ERG: variants seen among roughly 807,000 people sequenced by gnomAD.
The protein encoded by ERG is transcriptional regulator ERG.
ERG carries 9 observed loss-of-function variants against 55.3 expected under a neutral mutation model. The observed-to-expected ratio is 0.16, with a 90% CI of 0.10 to 0.28. The LOEUF (loss-of-function observed/expected upper bound fraction) is 0.28, where lower values mean the gene tolerates loss of function less well. Ranked by LOEUF, ERG falls within the 10% of genes least tolerant of loss-of-function variation. The pLI, the probability that ERG is intolerant of heterozygous loss-of-function variation, is 1.00. For missense variants in ERG, 434 were observed against 631.6 expected, an observed-to-expected ratio of 0.69 and a Z score of 3.35; for synonymous variants, 223 against 237.3, an observed-to-expected ratio of 0.94 and a Z score of 0.55.
intron 1 of ERG, among the ~76,000 whole-genome samples, chr21:38,642,776 G>C (rs1311426680): frequency 6.6e-6 from 1 of 152,190 alleles, no homozygotes; most frequent in Non-Finnish European, 1.5e-5. Flanking sequence ...TTGGTCAAAG[G>C]TATTGGGTCA....
At chr21:38,432,022 G>A (rs1232547329) in intron 2 of ERG, among the ~76,000 whole-genome samples, 2 of 152,144 alleles carry the variant, frequency 1.3e-5, no homozygotes, top group African/African-American at 4.8e-5. Flanking sequence ...AATTAAAAAA[G>A]GAGAAAACCT....
chr21:38,447,677 G>C (rs1188143712), intron 1 of ERG, among the ~76,000 whole-genome samples: 1 of 151,788 alleles, frequency 6.6e-6, no homozygotes, highest in Non-Finnish European at 1.5e-5. Flanking sequence ...ACAAAAATTA[G>C]ACCTTATTAA....
chr21:38,392,712 T>A (rs1486046841), intron 6 of ERG, among the ~76,000 whole-genome samples: 1 of 152,204 alleles, frequency 6.6e-6, no homozygotes, highest in Non-Finnish European at 1.5e-5. Context: ...CCTACAACCA[T>A]AAGTCAAGAC....
chr21:38,432,908 A>G (rs1990284706), intron 2 of ERG, among the ~76,000 whole-genome samples: 1 of 152,120 alleles, frequency 6.6e-6, no homozygotes, highest in Non-Finnish European at 1.5e-5. Context: ...TCCTCAGAAA[A>G]CTTAATTTCA....
chr21:38,479,968 C>T (rs943507003), intron 1 of ERG, among the ~76,000 whole-genome samples: 13 of 152,204 alleles, frequency 8.5e-5, no homozygotes, highest in South Asian at 2.1e-4. Context: ...TTAACATACC[C>T]GGAATTGCCA....
At chr21:38,553,898 A>G (rs1037320226) in intron 2 of ERG, among the ~76,000 whole-genome samples, 1 of 152,182 alleles carries the variant, frequency 6.6e-6, no homozygotes, top group African/African-American at 2.4e-5. Flanking sequence ...CAGACAATGT[A>G]CAGAATAGGA....
chr21:38,490,458 C>T (rs375453880), intron 1 of ERG, among the ~76,000 whole-genome samples: 3 of 152,292 alleles, frequency 2.0e-5, no homozygotes, highest in African/African-American at 4.8e-5. Context: ...CCCATTTCAC[C>T]GATGGAAAAG....
chr21:38,457,068 C>G (rs890512086), intron 1 of ERG, among the ~76,000 whole-genome samples: 1 of 152,218 alleles, frequency 6.6e-6, no homozygotes, highest in African/African-American at 2.4e-5. Context: ...CAATTTCAAA[C>G]TACACATACT....
intron 3 of ERG, among the ~76,000 whole-genome samples, chr21:38,410,766 T>A (rs1989010560): frequency 6.6e-6 from 1 of 152,154 alleles, no homozygotes; most frequent in African/African-American, 2.4e-5. Context: ...CAGGCAAACA[T>A]CTTCTTTCAG....
intron 2 of ERG, among the ~76,000 whole-genome samples, chr21:38,444,135 C>T (rs1386640081): frequency 6.6e-6 from 1 of 152,200 alleles, no homozygotes; most frequent in Non-Finnish European, 1.5e-5. Context: ...CGTTTCCAGA[C>T]TTATAAACTA....
intron 2 of ERG, among the ~76,000 whole-genome samples, chr21:38,564,554 C>T (rs2059911194): frequency 2.0e-5 from 3 of 152,080 alleles, no homozygotes; most frequent in African/African-American, 7.2e-5. Context: ...GAGTTGTTTG[C>T]ATATAAGCTG....
Position 38,604,209 on chromosome 21 carries a change from G to A in ERG, c.-149-19264C>T, listed in dbSNP as rs58133179. 8.8e-3 allele frequency among the ~76,000 whole-genome samples: 1,298 copies of A among 147,790 alleles called. 18 individuals are homozygous for A. The highest frequency in any genetic ancestry group is 0.03 in the African/African-American group (1,205 of 39,882). ...GCGGAGCTTGCAGTGAGCCGAGATC[G>A]CACCACTGCACTCCAGCCTGGGCGA... On this transcript the variant is annotated intron_variant, in intron 1 of 10. Transcript: ENST00000398910.
At chr21:38,644,544 T>C (rs2060444862) in intron 1 of ERG, among the ~76,000 whole-genome samples, 1 of 152,178 alleles carries the variant, frequency 6.6e-6, no homozygotes, top group African/African-American at 2.4e-5. Context: ...TTTTTCTACC[T>C]AGAGAATTAG....
At chr21:38,391,556 C>A (rs1387359887) in intron 8 of ERG, 103 bp downstream of exon 8, 2 of 993,326 alleles carry the variant, frequency 2.0e-6, no homozygotes, top group African/African-American at 1.6e-5. Context: ...CGAAAAGAGG[C>A]AAACAATCAT....
Position 38,383,950 on chromosome 21 carries a change from A to T in ERG, c.920-27T>A. On this transcript the variant is annotated intron_variant, in intron 9 of 9. Coordinates refer to ENST00000288319, the MANE Select transcript of ERG (RefSeq NM_182918.4). The surrounding 1 kb of genome is among the most constrained non-coding windows in gnomAD (Gnocchi z 5.7). The stretch of plus-strand genomic sequence containing the variant: ...TAATGAGGTCAGGAGAGGAAGGAAA[A>T]CTCCAGTGAGCACAGGTTCCAGGGG... 6.3e-7 allele frequency: 1 copy of T among 1,592,320 alleles called. No homozygotes were observed. Among genetic ancestry groups the T allele is most frequent in the Non-Finnish European group, 8.6e-7 (1 of 1,168,858 alleles).
intron 2 of ERG, among the ~76,000 whole-genome samples, chr21:38,558,228 T>C (rs980668213): frequency 6.6e-6 from 1 of 152,030 alleles, no homozygotes; most frequent in Admixed American, 6.6e-5. Context: ...GCAGGAGAAA[T>C]GGACATGTAC....
chr21:38,543,042 G>A (rs531285274), intron 2 of ERG, among the ~76,000 whole-genome samples: 2 of 151,956 alleles, frequency 1.3e-5, no homozygotes, highest in African/African-American at 4.8e-5. Context: ...CAGATGGGTG[G>A]CCCACCGGAG....
intron 2 of ERG, among the ~76,000 whole-genome samples, chr21:38,537,722 G>T (rs1434906181): frequency 6.6e-6 from 1 of 152,130 alleles, no homozygotes. Flanking sequence ...CACTGGTGGT[G>T]GGAGAGTAAA....
intron 1 of ERG, among the ~76,000 whole-genome samples, chr21:38,455,868 T>TTC (rs2058983617): frequency 1.5e-5 from 2 of 130,558 alleles, no homozygotes; most frequent in African/African-American, 2.8e-5. Flanking sequence ...ATTGGTACGG[T>TTC]CCCCCCCCTC....
Sources: allele counts gnomAD v4.1 joint callset (sites outside exome capture counted in the v4.1 genomes callset), GRCh38; gene constraint gnomAD v4.1.1; non-coding constraint Gnocchi (gnomAD v3.1); transcripts MANE v1.5; gene names NCBI Gene and HGNC (gene_info 2026-07-23, HGNC 2026-07-21).